SPEF2: variants seen among roughly 807,000 people sequenced by gnomAD.
SPEF2 encodes sperm flagella and cilia-associated protein 2.
SPEF2 carries 187 observed loss-of-function variants against 224.6 expected under a neutral mutation model. That is an observed-to-expected ratio of 0.83 (90% CI 0.74 to 0.94). The LOEUF is 0.94. Ranked by LOEUF, SPEF2 falls within the 40% of genes least tolerant of loss-of-function variation. SPEF2 has a pLI of 0.00. For missense variants in SPEF2, 2,170 were observed against 2,135.6 expected, an observed-to-expected ratio of 1.02 and a Z score of -0.32; for synonymous variants, 715 against 707.3, an observed-to-expected ratio of 1.01 and a Z score of -0.17.
chr5:35,756,218 C>A (rs989590800), intron 24 of SPEF2, among the ~76,000 whole-genome samples: 15 of 152,120 alleles, frequency 9.9e-5, no homozygotes, highest in African/African-American at 3.1e-4. Flanking sequence ...GCTACCTGCC[C>A]ATCTGTTAGT....
At chr5:35,702,006 A>G in intron 16 of SPEF2, 1 of 365,988 alleles carries the variant, frequency 2.7e-6, no homozygotes, top group Non-Finnish European at 5.4e-6. Context: ...TCTGTAGATA[A>G]TAGCCAGAAT....
chr5:35,814,375 C>G (rs1415964045), intron 36 of SPEF2, 89 bp from the exon 37 acceptor site: 2 of 624,268 alleles, frequency 3.2e-6, no homozygotes, highest in African/African-American at 3.8e-5. Flanking sequence ...TTGCCATGTA[C>G]TATGTGATCA....
Position 35,814,572 on chromosome 5 carries a change from T to A in SPEF2, c.*19T>A. On this transcript the variant is annotated 3_prime_UTR_variant, in exon 37 of 37. Transcript: ENST00000356031. ...GAAATGAAGACAAAAGAGTGTGATT[T>A]TTTTAATTCTGCAATAAATCTTCCA... 6.6e-7 allele frequency: 1 copy of A among 1,506,224 alleles called. No individual in the cohort carries two copies. Among genetic ancestry groups the A allele is most frequent in the Non-Finnish European group, 9.1e-7 (1 of 1,099,274 alleles). 93.3% of individuals were successfully genotyped at this position (1,506,224 alleles called of 1,614,324 possible).
chr5:35,674,082 G>T (rs1246246162), intron 10 of SPEF2, among the ~76,000 whole-genome samples: 1 of 152,152 alleles, frequency 6.6e-6, no homozygotes, highest in Admixed American at 6.5e-5. Flanking sequence ...CATGTGAATC[G>T]ATCACTTTTT....
chr5:35,786,615 G>C (rs56310099), intron 30 of SPEF2, among the ~76,000 whole-genome samples: 1 of 152,034 alleles, frequency 6.6e-6, no homozygotes, highest in Non-Finnish European at 1.5e-5. Flanking sequence ...AGCCAAAATC[G>C]TGCCACTGGA....
At chr5:35,751,001 A>ACG (rs1554048595) in intron 23 of SPEF2, among the ~76,000 whole-genome samples, 86 of 91,558 alleles carry the variant, frequency 9.4e-4, no homozygotes, top group African/African-American at 3.0e-3. Flanking sequence ...ATATATGTAT[A>ACG]TATATATATA....
chr5:35,644,014 A>C (rs1746985897), intron 3 of SPEF2, among the ~76,000 whole-genome samples: 1 of 152,128 alleles, frequency 6.6e-6, no homozygotes, highest in African/African-American at 2.4e-5. Flanking sequence ...CTTATATGTT[A>C]AAGTTGGTTT....
intron 21 of SPEF2, among the ~76,000 whole-genome samples, chr5:35,729,137 A>C (rs1745184726): frequency 6.6e-6 from 1 of 152,032 alleles, no homozygotes; most frequent in Non-Finnish European, 1.5e-5. Context: ...TAGATCTTCC[A>C]GCATTCGGGA....
intron 10 of SPEF2, among the ~76,000 whole-genome samples, chr5:35,683,730 A>G (rs1753166520): frequency 6.6e-6 from 1 of 152,238 alleles, no homozygotes; most frequent in Non-Finnish European, 1.5e-5. Context: ...CTCTGTGTGT[A>G]AGCAGACAAA....
At chr5:35,628,627 TG>T (rs2149370243) in intron 2 of SPEF2, 65 bp downstream of exon 2, 1 of 1,175,710 alleles carries the variant, frequency 8.5e-7, no homozygotes, top group East Asian at 2.4e-5. Context: ...GGTCTTGTTC[TG>T]TTACTGAGAC....
intron 23 of SPEF2, among the ~76,000 whole-genome samples, chr5:35,749,175 C>G (rs1270960142): frequency 6.6e-6 from 1 of 151,974 alleles, no homozygotes; most frequent in African/African-American, 2.4e-5. Flanking sequence ...AAACTCTCAG[C>G]AAAAATTGGC....
chr5:35,758,012 T>C (rs950495406), intron 24 of SPEF2, among the ~76,000 whole-genome samples: 1 of 152,228 alleles, frequency 6.6e-6, no homozygotes, highest in Non-Finnish European at 1.5e-5. Context: ...TACAGACTTA[T>C]TGAAACTGTT....
At position 35,700,619 on chromosome 5, in the gene SPEF2, A is replaced by G. The variant is rs199793975; in HGVS notation, c.2265A>G (p.Lys755=). Residue 755 remains lysine (K), a synonymous_variant, in exon 16 of 37, where the codon AAA becomes AAG. Transcript: ENST00000356031. The part of the protein sequence containing the change: ...NRNLTEVERK[K]AQKSTLAIDP... ...ACCTCACAGAAGTGGAAAGAAAAAA[A>G]GCACAAAAATCCACATTGGCTATTG... 33 of 1,614,012 alleles carry G rather than the reference A, an allele frequency of 2.0e-5. No individual in the cohort carries two copies. Among genetic ancestry groups the G allele is most frequent in the African/African-American group, 1.9e-4 (14 of 75,052 alleles).
intron 36 of SPEF2, chr5:35,807,892 G>A: frequency 1.4e-6 from 2 of 1,456,326 alleles, no homozygotes; most frequent in South Asian, 1.4e-5. Context: ...GAGGGCAGAG[G>A]CTGACACCAA....
chr5:35,761,460 C>G (rs903809821), intron 25 of SPEF2, among the ~76,000 whole-genome samples: 36 of 152,122 alleles, frequency 2.4e-4, no homozygotes, highest in Non-Finnish European at 5.9e-5. Flanking sequence ...TTTTACCCTC[C>G]CTTGTTCCAA....
At chr5:35,639,961 A>G (rs1746367205) in intron 2 of SPEF2, among the ~76,000 whole-genome samples, 1 of 152,118 alleles carries the variant, frequency 6.6e-6, no homozygotes, top group African/African-American at 2.4e-5. Flanking sequence ...CAATTTACAC[A>G]CAAGTTCTGT....
At chr5:35,675,390 A>G (rs1043366430) in intron 10 of SPEF2, among the ~76,000 whole-genome samples, 1 of 152,240 alleles carries the variant, frequency 6.6e-6, no homozygotes, top group East Asian at 1.9e-4. Flanking sequence ...TTAGTTTTTA[A>G]GAGTGTGCCA....
Position 35,660,172 on chromosome 5 carries a change from T to A in SPEF2, c.1167+965T>A, listed in dbSNP as rs148244929. On this transcript the variant is annotated intron_variant, in intron 8 of 36. Transcript: ENST00000356031. ...ATATGTGAGTTCTAGTAAAAAAAAA[T>A]AGATTGATTTTATTAATGGAGTATA... Among the ~76,000 whole-genome samples the A allele has an allele frequency of 3.3e-4, 50 of 152,236 alleles. 1 individual carries two copies. In the East Asian group the frequency reaches 9.6e-3, roughly 29 times the overall value.
intron 30 of SPEF2, among the ~76,000 whole-genome samples, chr5:35,782,627 G>A (rs1754499482): frequency 6.6e-6 from 1 of 151,762 alleles, no homozygotes; most frequent in Non-Finnish European, 1.5e-5. Context: ...TCTTTGATTA[G>A]AACAATGACT....
Sources: allele counts gnomAD v4.1 joint callset (sites outside exome capture counted in the v4.1 genomes callset), GRCh38; gene constraint gnomAD v4.1.1; transcripts MANE v1.5; gene names NCBI Gene and HGNC (gene_info 2026-07-23, HGNC 2026-07-21).